The following COPG2 variants were observed in gnomAD, a reference collection of about 807,000 sequenced individuals.
The protein encoded by COPG2 is coat protein complex I subunit gamma 2, also known as coatomer subunit gamma-2.
A neutral mutation model predicts 46.3 loss-of-function variants in COPG2; 37 were observed. That is an observed-to-expected ratio of 0.80 (90% CI 0.61 to 1.05). COPG2 has a LOEUF of 1.05. Ranked by LOEUF, COPG2 falls within the 50% of genes least tolerant of loss-of-function variation. The pLI, the probability that COPG2 is intolerant of heterozygous loss-of-function variation, is 0.00. For missense variants in COPG2, 427 were observed against 387.8 expected (o/e 1.10, Z -0.85); for synonymous variants, 159 against 129.7 (o/e 1.23, Z -1.53).
intron 20 of COPG2, among the ~76,000 whole-genome samples, chr7:130,528,240 A>G (rs1799792288): frequency 6.6e-6 from 1 of 152,134 alleles, no homozygotes; most frequent in South Asian, 2.1e-4. Context: ...AGCGCTGATG[A>G]CAAAAGTGCT....
At position 130,611,035 on chromosome 7, in the gene COPG2, T is replaced by A. The variant is rs545035418; in HGVS notation, c.655A>T (p.Thr219Ser). The change falls in exon 9 of 24, where the codon ACT becomes TCT. Residue 219 changes from threonine (T) to serine (S), a missense_variant. Transcript: ENST00000425248. ...LAVSKMLNKF[T>S]KSGLKSQFAY... ...AACTGTGACTTGAGACCAGATTTAG[T>A]AAACTTATTCAACATCTTGGAAACA... is the stretch of plus-strand genomic sequence containing the variant. 13 of 1,613,790 alleles carry A rather than the reference T, an allele frequency of 8.1e-6. No homozygotes were observed. The highest frequency in any genetic ancestry group is 1.1e-5 in the Non-Finnish European group (13 of 1,179,862).
At chr7:130,620,992 T>G (rs1299520783) in intron 5 of COPG2, among the ~76,000 whole-genome samples, 1 of 152,140 alleles carries the variant, frequency 6.6e-6, no homozygotes, top group African/African-American at 2.4e-5. Flanking sequence ...TTAAAGACAC[T>G]GAGATGGGGA....
intron 20 of COPG2, among the ~76,000 whole-genome samples, chr7:130,530,418 AG>A (rs1174864179): frequency 1.3e-5 from 2 of 152,214 alleles, no homozygotes; most frequent in African/African-American, 4.8e-5. Context: ...GAAGAAGGGA[AG>A]GAAAAGGCAG....
intron 20 of COPG2, among the ~76,000 whole-genome samples, chr7:130,541,412 G>A (rs1799935975): frequency 6.6e-6 from 1 of 151,972 alleles, no homozygotes. Flanking sequence ...CCTTAAGGAG[G>A]GAGGAGGTGG....
At chr7:130,594,333 CT>C (rs781910546) in intron 9 of COPG2, among the ~76,000 whole-genome samples, 19 of 152,146 alleles carry the variant, frequency 1.2e-4, no homozygotes, top group Non-Finnish European at 2.8e-4. Context: ...AGTTGAATCT[CT>C]ATCCCACAGC....
intron 5 of COPG2, among the ~76,000 whole-genome samples, chr7:130,628,339 C>T (rs1310860948): frequency 6.6e-6 from 1 of 151,948 alleles, no homozygotes; most frequent in Non-Finnish European, 1.5e-5. Context: ...CATTTTACTT[C>T]CTTTACTAGT....
In COPG2 at chr7:130,668,615, G is replaced by T; in HGVS notation, c.37+17C>A. The T allele has an allele frequency of 6.6e-7, 1 of 1,523,888 alleles. No homozygotes were observed. The highest frequency in any genetic ancestry group is 1.2e-5 in the South Asian group (1 of 80,754). 94.4% of individuals were successfully genotyped at this position (1,523,888 alleles called of 1,614,324 possible). On this transcript the variant is annotated intron_variant, in intron 1 of 23. Coordinates refer to ENST00000425248, the MANE Select transcript of COPG2 (RefSeq NM_012133.6). ...CGTCCCGCGGCTGAGGGTGGGCCTC[G>T]GAAGCCCCGCGCGTACCAGACTCCT...
chr7:130,547,614 A>G (rs1219016463), intron 20 of COPG2, 60 bp downstream of exon 20: 2 of 398,472 alleles, frequency 5.0e-6, no homozygotes, highest in Non-Finnish European at 8.8e-6. Flanking sequence ...TGAAGAGTTG[A>G]AGAGCTCACA....
chr7:130,630,873 G>A (rs1795215880), intron 5 of COPG2, among the ~76,000 whole-genome samples: 1 of 151,970 alleles, frequency 6.6e-6, no homozygotes, highest in Admixed American at 6.6e-5. Flanking sequence ...GTTGGATTTG[G>A]CTTTTTTAAG....
chr7:130,649,553 T>C (rs1449483269), intron 5 of COPG2, among the ~76,000 whole-genome samples: 1 of 152,200 alleles, frequency 6.6e-6, no homozygotes, highest in Non-Finnish European at 1.5e-5. Context: ...TCTGCCACTA[T>C]AACAGGGATC....
intron 12 of COPG2, among the ~76,000 whole-genome samples, chr7:130,560,633 A>G (rs1793703913): frequency 6.6e-6 from 1 of 152,208 alleles, no homozygotes; most frequent in Admixed American, 6.5e-5. Context: ...TCAGTAACAT[A>G]ATACAAAGCC....
chr7:130,667,464 G>C lies in COPG2; in HGVS notation c.90+18C>G. On this transcript the variant is annotated intron_variant, in intron 2 of 23. Coordinates refer to ENST00000425248, the MANE Select transcript of COPG2 (RefSeq NM_012133.6). Reference sequence around the variant, plus strand: ...ACAGAATAGAAAAGAAAGGGCACAAGATACTTCCCAGTCATACCTCCTGTA... The same window carrying C: ...ACAGAATAGAAAAGAAAGGGCACAACATACTTCCCAGTCATACCTCCTGTA... 6.2e-7 allele frequency: 1 copy of C among 1,608,758 alleles called. No individual in the cohort carries two copies. The highest frequency in any genetic ancestry group is 1.1e-5 in the South Asian group (1 of 90,750).
intron 16 of COPG2, among the ~76,000 whole-genome samples, chr7:130,550,874 T>C (rs1793527473): frequency 6.6e-6 from 1 of 152,128 alleles, no homozygotes. Context: ...GCATACACAT[T>C]TTCAACAAAA....
At chr7:130,578,286 T>G (rs1794054090) in intron 9 of COPG2, among the ~76,000 whole-genome samples, 1 of 149,076 alleles carries the variant, frequency 6.7e-6, no homozygotes, top group Non-Finnish European at 1.5e-5. Flanking sequence ...CAGCTGAGGG[T>G]CCTGTCTGTT....
At chr7:130,662,932 GT>G in intron 4 of COPG2, 34 bp downstream of exon 4, 2 of 1,289,708 alleles carry the variant, frequency 1.6e-6, no homozygotes, top group Middle Eastern at 1.8e-4. Flanking sequence ...ATAAAAGGAG[GT>G]TTTTCATCGT....
intron 20 of COPG2, among the ~76,000 whole-genome samples, chr7:130,542,173 C>T (rs1245439706): frequency 7.2e-6 from 1 of 138,592 alleles, no homozygotes; most frequent in East Asian, 2.0e-4. Flanking sequence ...TGGGTGTGAA[C>T]GTAGAGAATC....
chr7:130,607,750 CT>C (rs1554451478), intron 9 of COPG2: 1 of 520,102 alleles, frequency 1.9e-6, no homozygotes, highest in Admixed American at 1.9e-5. Context: ...CTCTTCCAAC[CT>C]CAAACTGTTT....
intron 9 of COPG2, among the ~76,000 whole-genome samples, chr7:130,578,740 G>A (rs1006531988): frequency 5.9e-5 from 9 of 152,120 alleles, no homozygotes; most frequent in Non-Finnish European, 8.8e-5. Flanking sequence ...CTGGAAGAAA[G>A]GGTATCAGCA....
At chr7:130,629,949 C>T (rs1333211764) in intron 5 of COPG2, among the ~76,000 whole-genome samples, 1 of 150,062 alleles carries the variant, frequency 6.7e-6, no homozygotes, top group African/African-American at 2.5e-5. Context: ...CAGAGTTTCG[C>T]TCTTGTCGCC....
Sources: allele counts gnomAD v4.1 joint callset (sites outside exome capture counted in the v4.1 genomes callset), GRCh38; gene constraint gnomAD v4.1.1; transcripts MANE v1.5; gene names NCBI Gene and HGNC (gene_info 2026-07-23, HGNC 2026-07-21).